Variants in DGKI observed in about 807,000 individuals in gnomAD.
DGKI encodes diacylglycerol kinase iota.
In DGKI, 55 loss-of-function variants were observed where a neutral mutation model predicts 147.5. That is an observed-to-expected ratio of 0.37 (90% CI 0.30 to 0.47). The LOEUF is 0.47. Ranked by LOEUF, DGKI falls within the 20% of genes least tolerant of loss-of-function variation. DGKI has a pLI of 1.00. For synonymous variants in DGKI, 469 were observed against 477.1 expected (o/e 0.98, Z 0.22); for missense variants, 1,007 against 1,323.8 (o/e 0.76, Z 3.71).
chr7:137,514,884 A>G (rs1816699943), intron 21 of DGKI, among the ~76,000 whole-genome samples: 1 of 152,216 alleles, frequency 6.6e-6, no homozygotes, highest in Non-Finnish European at 1.5e-5. Flanking sequence ...AGCCAAATTT[A>G]TCTAGAATAA....
At chr7:137,738,449 A>G (rs551119790) in intron 1 of DGKI, among the ~76,000 whole-genome samples, 148 of 152,282 alleles carry the variant, frequency 9.7e-4, no homozygotes, top group African/African-American at 3.5e-3. Context: ...TATTTTCACT[A>G]CCAAAGAATT....
At chr7:137,792,092 T>C (rs1327467061) in intron 1 of DGKI, among the ~76,000 whole-genome samples, 1 of 152,208 alleles carries the variant, frequency 6.6e-6, no homozygotes, top group Non-Finnish European at 1.5e-5. Flanking sequence ...AGGTCTAGAA[T>C]ATATTGGTTT....
chr7:137,608,093 C>T (rs937921963), intron 10 of DGKI, among the ~76,000 whole-genome samples: 4 of 152,134 alleles, frequency 2.6e-5, no homozygotes, highest in Admixed American at 2.0e-4. Context: ...GTGGGTCAAT[C>T]CTATTTATAC....
At chr7:137,454,884 T>C (rs932401821) in intron 27 of DGKI, 4 of 152,122 alleles carry the variant, frequency 2.6e-5, no homozygotes, top group African/African-American at 7.2e-5. Flanking sequence ...GTGGACTTCT[T>C]TTTTTTCTTT....
chr7:137,660,237 A>G (rs2116282050), intron 3 of DGKI, among the ~76,000 whole-genome samples: 1 of 152,202 alleles, frequency 6.6e-6, no homozygotes, highest in East Asian at 1.9e-4. Context: ...AGAGGGGGGA[A>G]CATATCCGTT....
intron 1 of DGKI, among the ~76,000 whole-genome samples, chr7:137,789,502 C>T (rs976044081): frequency 1.3e-5 from 2 of 151,956 alleles, no homozygotes. Context: ...CCCATAGAAA[C>T]ATTATCAAAC....
intron 21 of DGKI, among the ~76,000 whole-genome samples, chr7:137,519,777 T>C (rs954667298): frequency 6.6e-6 from 1 of 152,060 alleles, no homozygotes; most frequent in Admixed American, 6.6e-5. Flanking sequence ...TAAACTTTCC[T>C]GAAAAACCAC....
intron 1 of DGKI, among the ~76,000 whole-genome samples, chr7:137,763,604 A>G (rs1485678317): frequency 1.3e-5 from 2 of 152,244 alleles, no homozygotes; most frequent in Non-Finnish European, 2.9e-5. Context: ...CTCATTTTTG[A>G]AAACTTAGAA....
chr7:137,806,264 C>A (rs979565059), intron 1 of DGKI, among the ~76,000 whole-genome samples: 5 of 152,176 alleles, frequency 3.3e-5, no homozygotes, highest in African/African-American at 1.2e-4. Context: ...TGTTGTTATT[C>A]CCCACTTTGC....
intron 32 of DGKI, 144 bp downstream of exon 32, chr7:137,395,454 C>G: frequency 1.5e-6 from 1 of 662,214 alleles, no homozygotes; most frequent in Non-Finnish European, 2.6e-6. Flanking sequence ...CTAAATGAAG[C>G]ACTCTATTTT....
At chr7:137,620,576 TTGTC>T (rs1563116058) in intron 7 of DGKI, among the ~76,000 whole-genome samples, 3 of 152,158 alleles carry the variant, frequency 2.0e-5, no homozygotes, top group African/African-American at 7.2e-5. Context: ...TCTGTTGGGT[TTGTC>T]TGGACTGCTA....
chr7:137,757,085 T>C (rs952589456), intron 1 of DGKI, among the ~76,000 whole-genome samples: 4 of 152,062 alleles, frequency 2.6e-5, no homozygotes, highest in African/African-American at 4.8e-5. Context: ...CTCTCCAAAA[T>C]AAAGGCATGA....
At chr7:137,441,096 G>A (rs1458869220) in intron 28 of DGKI, among the ~76,000 whole-genome samples, 2 of 152,128 alleles carry the variant, frequency 1.3e-5, no homozygotes, top group East Asian at 1.9e-4. Flanking sequence ...GGATGCTAGC[G>A]AATAATACTA....
chr7:137,483,337 G>A (rs948102332), intron 23 of DGKI, among the ~76,000 whole-genome samples: 2 of 151,950 alleles, frequency 1.3e-5, no homozygotes, highest in Non-Finnish European at 2.9e-5. Context: ...ATGTCCAAGA[G>A]GAAAAAGTAT....
At chr7:137,491,321 C>T (rs1585166078) in intron 21 of DGKI, among the ~76,000 whole-genome samples, 1 of 152,066 alleles carries the variant, frequency 6.6e-6, no homozygotes, top group East Asian at 1.9e-4. Flanking sequence ...TGCAGTGATC[C>T]CCAGTTTTCT....
chr7:137,616,058 A>C (rs1820520066), intron 8 of DGKI, among the ~76,000 whole-genome samples: 1 of 152,090 alleles, frequency 6.6e-6, no homozygotes, highest in African/African-American at 2.4e-5. Flanking sequence ...AGACTACTAA[A>C]ATTTTTAAAA....
chr7:137,605,370 TAAAATAAAAA>T lies in DGKI; in HGVS notation c.1167+3586_1167+3595del, dbSNP rs1355430857. ...TAAAATAAAATAAAATAAAATAAAATAAAATAAAAAAAGTTGAAATTTTGGTCCCTGATTC... is the reference window on the plus strand; with the variant it reads ...TAAAATAAAATAAAATAAAATAAAATAAGTTGAAATTTTGGTCCCTGATTC... On this transcript the variant is annotated intron_variant, in intron 10 of 32. Transcript: ENST00000614521. Among the ~76,000 whole-genome samples, 513 of 145,456 alleles carry T rather than the reference TAAAATAAAAA, an allele frequency of 3.5e-3. 3 individuals are homozygous for T. The highest frequency in any genetic ancestry group is 0.013 in the African/African-American group (492 of 38,786).
intron 1 of DGKI, among the ~76,000 whole-genome samples, chr7:137,771,077 C>T (rs537429322): frequency 6.6e-6 from 1 of 152,058 alleles, no homozygotes; most frequent in East Asian, 1.9e-4. Flanking sequence ...CAATTATATT[C>T]ATTCTTTATT....
At chr7:137,694,031 TTTATGGA>T (rs1319607422) in intron 1 of DGKI, among the ~76,000 whole-genome samples, 2 of 152,144 alleles carry the variant, frequency 1.3e-5, no homozygotes, top group Admixed American at 6.5e-5. Flanking sequence ...AATTTAAAAA[TTTATGGA>T]AGGCCGGGCA....
Sources: gnomAD v4.1 joint callset for allele counts (sites outside exome capture counted in the v4.1 genomes callset) on GRCh38, gnomAD v4.1.1 for gene constraint, MANE v1.5 for transcripts, NCBI Gene and HGNC (gene_info 2026-07-23, HGNC 2026-07-21) for gene names.